The following RNF150 variants were observed in gnomAD, a reference collection of about 807,000 sequenced individuals.
The protein encoded by RNF150 is ring finger protein 150.
In RNF150, 24 loss-of-function variants were observed where a neutral mutation model predicts 39.3. The observed-to-expected ratio is 0.61, with a 90% CI of 0.44 to 0.86. The LOEUF (loss-of-function observed/expected upper bound fraction) is 0.86. Ranked by LOEUF, RNF150 falls within the 40% of genes least tolerant of loss-of-function variation. The probability of loss-of-function intolerance (pLI) is 0.00; values close to 1 mark genes in which losing one functional copy is unlikely to be tolerated. For synonymous variants in RNF150, 255 were observed against 227.3 expected (o/e 1.12, Z -1.10); for missense variants, 502 against 587.8 (o/e 0.85, Z 1.51).
chr4:140,959,011 G>GT (rs1357827499), intron 2 of RNF150, among the ~76,000 whole-genome samples: 4 of 152,100 alleles, frequency 2.6e-5, no homozygotes, highest in African/African-American at 9.7e-5. Context: ...GATATAAAAG[G>GT]TTTCCTTCAC....
chr4:140,935,004 T>C (rs1399696112), intron 4 of RNF150, among the ~76,000 whole-genome samples: 205 of 109,728 alleles, frequency 1.9e-3, no homozygotes, highest in Non-Finnish European at 2.6e-3. Flanking sequence ...TATATATATA[T>C]ATAAATATAT....
chr4:140,906,676 T>A (rs1162349135), intron 6 of RNF150, among the ~76,000 whole-genome samples: 1 of 152,226 alleles, frequency 6.6e-6, no homozygotes, highest in Admixed American at 6.5e-5. Flanking sequence ...CATTAATTCA[T>A]GTGTACTGCT....
intron 1 of RNF150, among the ~76,000 whole-genome samples, chr4:141,182,868 G>A (rs1336836629): frequency 4.1e-5 from 6 of 144,984 alleles, no homozygotes; most frequent in South Asian, 2.3e-4. Flanking sequence ...AGCCCGCATC[G>A]CCAAGTCAAT....
chr4:141,132,452 G>T lies in RNF150; in HGVS notation c.357C>A (p.Ala119=). Reference sequence around the variant, plus strand: ...ACGTGCAGTTGCCCTTGGGGATGAGGGCTATCCAGTTCTTGCCGCGGGTCG... The same window carrying T: ...ACGTGCAGTTGCCCTTGGGGATGAGTGCTATCCAGTTCTTGCCGCGGGTCG... ...AAPTRGKNWI[A]LIPKGNCTYR... The change falls in exon 1 of 7, where the codon GCC becomes GCA. Residue 119 remains alanine, a synonymous_variant. Transcript: ENST00000515673. This position sits in a 1 kb window ranked among gnomAD's most constrained non-coding sequence, Gnocchi z 4.9. The T allele has an allele frequency of 1.9e-6, 3 of 1,610,690 alleles. No individual in the cohort carries two copies. The highest frequency in any genetic ancestry group is 2.5e-6 in the Non-Finnish European group (3 of 1,178,950).
At chr4:140,919,583 A>C (rs2111300495) in intron 5 of RNF150, among the ~76,000 whole-genome samples, 4 of 150,792 alleles carry the variant, frequency 2.7e-5, no homozygotes, top group East Asian at 2.0e-4. Flanking sequence ...GGTAGGAAGA[A>C]TCAATATCGT....
intron 3 of RNF150, among the ~76,000 whole-genome samples, chr4:140,948,122 T>C (rs868601861): frequency 1.3e-5 from 2 of 152,208 alleles, no homozygotes; most frequent in South Asian, 4.1e-4. Flanking sequence ...CACACAATGG[T>C]AGTTCCAATT....
At chr4:141,174,070 G>C (rs1200979626) in intron 1 of RNF150, among the ~76,000 whole-genome samples, 1 of 152,150 alleles carries the variant, frequency 6.6e-6, no homozygotes, top group Non-Finnish European at 1.5e-5. Flanking sequence ...GACTTCAGTA[G>C]TCATTTCCCC....
chr4:141,005,583 G>T (rs972224739), intron 1 of RNF150, among the ~76,000 whole-genome samples: 1 of 152,156 alleles, frequency 6.6e-6, no homozygotes, highest in Non-Finnish European at 1.5e-5. Flanking sequence ...TGGTATGAGG[G>T]TCTATGCACT....
chr4:140,883,802 G>T (rs1729462337), intron 6 of RNF150, among the ~76,000 whole-genome samples: 1 of 152,096 alleles, frequency 6.6e-6, no homozygotes, highest in African/African-American at 2.4e-5. Flanking sequence ...TGAACTTCTT[G>T]AATTTAGATG....
At chr4:140,915,806 G>A (rs541841355) in intron 5 of RNF150, among the ~76,000 whole-genome samples, 31 of 152,284 alleles carry the variant, frequency 2.0e-4, no homozygotes, top group Middle Eastern at 6.8e-3. Flanking sequence ...CAGTAGGGGC[G>A]GACTGACACC....
At chr4:141,115,982 A>T (rs1309357979) in intron 1 of RNF150, among the ~76,000 whole-genome samples, 1 of 152,220 alleles carries the variant, frequency 6.6e-6, no homozygotes, top group East Asian at 1.9e-4. Flanking sequence ...GCTTTATACA[A>T]AAATTAACTC....
intron 1 of RNF150, among the ~76,000 whole-genome samples, chr4:141,112,707 G>T (rs543497698): frequency 1.3e-5 from 2 of 152,104 alleles, no homozygotes; most frequent in South Asian, 4.2e-4. Context: ...GCGTCTTGGG[G>T]TTGCTCTTCT....
At chr4:140,925,097 T>C (rs563851891) in intron 5 of RNF150, among the ~76,000 whole-genome samples, 32 of 152,312 alleles carry the variant, frequency 2.1e-4, no homozygotes, top group African/African-American at 6.5e-4. Context: ...GGCAGCAAAG[T>C]GGAGGGGCTG....
chr4:140,939,379 T>C (rs1037478873), intron 4 of RNF150, among the ~76,000 whole-genome samples: 1 of 152,200 alleles, frequency 6.6e-6, no homozygotes, highest in Non-Finnish European at 1.5e-5. Flanking sequence ...ATATATTCTA[T>C]GTCCCAAATT....
At chr4:141,172,039 G>C (rs144669300) in intron 1 of RNF150, among the ~76,000 whole-genome samples, 1 of 152,210 alleles carries the variant, frequency 6.6e-6, no homozygotes, top group African/African-American at 2.4e-5. Context: ...GTTTTCATTA[G>C]CTATTGCCAC....
chr4:141,109,188 A>G (rs1739308988), intron 1 of RNF150, among the ~76,000 whole-genome samples: 1 of 152,136 alleles, frequency 6.6e-6, no homozygotes, highest in South Asian at 2.1e-4. Context: ...TCCAAATAAT[A>G]CAATATCATT....
intron 1 of RNF150, among the ~76,000 whole-genome samples, chr4:140,999,942 A>AG (rs1236962647): frequency 2.9e-5 from 1 of 34,526 alleles, no homozygotes; most frequent in Non-Finnish European, 6.5e-5. Context: ...GGTCTCAAAA[A>AG]AAGAAGAAGA....
intron 1 of RNF150, among the ~76,000 whole-genome samples, chr4:141,123,154 GATGAACAT>G (rs1266843838): frequency 2.0e-5 from 3 of 152,234 alleles, no homozygotes; most frequent in African/African-American, 7.2e-5. Context: ...TGAAATTAGA[GATGAACAT>G]ATGAACATAG....
intron 6 of RNF150, among the ~76,000 whole-genome samples, chr4:140,906,709 A>G (rs1164139120): frequency 6.6e-6 from 1 of 152,196 alleles, no homozygotes; most frequent in Non-Finnish European, 1.5e-5. Context: ...TTTGAAGACC[A>G]GGTCTCCTGG....
Sources: gnomAD v4.1 joint callset for allele counts (sites outside exome capture counted in the v4.1 genomes callset) on GRCh38, gnomAD v4.1.1 for gene constraint, Gnocchi (gnomAD v3.1) non-coding constraint, MANE v1.5 for transcripts, NCBI Gene and HGNC (gene_info 2026-07-23, HGNC 2026-07-21) for gene names.